Variants in NOL10 observed in about 807,000 individuals in gnomAD.
NOL10 encodes H_NH0074G24.1.
A neutral mutation model predicts 103.5 loss-of-function variants in NOL10; 58 were observed. That is an observed-to-expected ratio of 0.56 (90% CI 0.45 to 0.70). The LOEUF (loss-of-function observed/expected upper bound fraction) is 0.70, where lower values mean the gene tolerates loss of function less well. Among genes scored for constraint, NOL10 ranks in the 30% least tolerant of loss-of-function variants. NOL10 has a pLI of 0.00. For synonymous variants in NOL10, 287 were observed against 282.5 expected (o/e 1.02, Z -0.16); for missense variants, 763 against 807.3 (o/e 0.95, Z 0.67).
At chr2:10,639,839 A>T (rs7599759) in intron 13 of NOL10, among the ~76,000 whole-genome samples, 5,032 of 152,162 alleles carry the variant, frequency 0.033, 288 homozygotes, top group African/African-American at 0.12. Context: ...TGAGAGAATT[A>T]AAAAAATAAA....
At chr2:10,587,484 T>C (rs779495241) in intron 19 of NOL10, among the ~76,000 whole-genome samples, 12 of 144,804 alleles carry the variant, frequency 8.3e-5, no homozygotes, top group Non-Finnish European at 1.8e-4. Flanking sequence ...TTGGCCAGGA[T>C]GGTCTCCATC....
chr2:10,667,387 C>CT, intron 7 of NOL10, 109 bp from the exon 8 acceptor site: 1 of 780,368 alleles, frequency 1.3e-6, no homozygotes, highest in Non-Finnish European at 2.2e-6. Flanking sequence ...AGAAAGAAGA[C>CT]ACACAGATTC....
intron 7 of NOL10, among the ~76,000 whole-genome samples, 158 bp downstream of exon 7, chr2:10,668,500 T>C (rs1044672930): frequency 6.6e-6 from 1 of 152,238 alleles, no homozygotes. Context: ...GATCTTTCAG[T>C]GAATTTTTTG....
chr2:10,645,719 G>A (rs1679017827), intron 12 of NOL10, among the ~76,000 whole-genome samples: 1 of 151,646 alleles, frequency 6.6e-6, no homozygotes, highest in Non-Finnish European at 1.5e-5. Flanking sequence ...TTTAGTGGAG[G>A]GGGGTTTCAC....
At chr2:10,612,649 C>T (rs1676630726) in intron 13 of NOL10, among the ~76,000 whole-genome samples, 1 of 152,006 alleles carries the variant, frequency 6.6e-6, no homozygotes, top group Admixed American at 6.6e-5. Context: ...ATTACAGGCA[C>T]TCACCACCAC....
chr2:10,664,233 C>G (rs1381251098), intron 8 of NOL10, among the ~76,000 whole-genome samples: 1 of 151,948 alleles, frequency 6.6e-6, no homozygotes, highest in Non-Finnish European at 1.5e-5. Context: ...GAGTTCGAGA[C>G]CAGCCTGGCC....
intron 20 of NOL10, among the ~76,000 whole-genome samples, chr2:10,574,758 T>C (rs149101134): frequency 6.6e-6 from 1 of 152,324 alleles, no homozygotes; most frequent in East Asian, 1.9e-4. Flanking sequence ...TTCATAAGTC[T>C]TCAACATGGA....
At chr2:10,646,126 G>C (rs151186089) in intron 12 of NOL10, among the ~76,000 whole-genome samples, 1 of 152,084 alleles carries the variant, frequency 6.6e-6, no homozygotes, top group Non-Finnish European at 1.5e-5. Flanking sequence ...AACGTTCACC[G>C]AGGTCATGAT....
intron 2 of NOL10, among the ~76,000 whole-genome samples, chr2:10,682,565 T>A (rs1681853046): frequency 1.3e-5 from 2 of 151,592 alleles, no homozygotes; most frequent in South Asian, 4.2e-4. Context: ...TGCACCCAGG[T>A]ATTTTTGTAT....
At chr2:10,673,595 C>G (rs1191106324) in intron 4 of NOL10, 38 bp from the exon 5 acceptor site, 1 of 1,401,702 alleles carries the variant, frequency 7.1e-7, no homozygotes, top group Non-Finnish European at 9.9e-7. Flanking sequence ...AATTATCAAA[C>G]AATATTCTTA....
At chr2:10,572,685 G>C (rs1316341984) in intron 20 of NOL10, among the ~76,000 whole-genome samples, 1 of 152,152 alleles carries the variant, frequency 6.6e-6, no homozygotes, top group African/African-American at 2.4e-5. Context: ...CGTTATTAAA[G>C]CATTCATTCA....
chr2:10,671,849 G>C (rs1016056980), intron 5 of NOL10, among the ~76,000 whole-genome samples, 159 bp from the exon 6 acceptor site: 1 of 152,118 alleles, frequency 6.6e-6, no homozygotes, highest in East Asian at 1.9e-4. Flanking sequence ...CTGGGATTAA[G>C]AATGAAAACA....
At chr2:10,677,839 TTGTGTG>T (rs58970211) in intron 3 of NOL10, among the ~76,000 whole-genome samples, 156 of 146,840 alleles carry the variant, frequency 1.1e-3, no homozygotes, top group African/African-American at 2.3e-3. Context: ...TTTAATACAT[TTGTGTG>T]TGTGTGTGTG....
chr2:10,602,083 C>G (rs1676003468), intron 16 of NOL10, among the ~76,000 whole-genome samples: 1 of 152,212 alleles, frequency 6.6e-6, no homozygotes. Flanking sequence ...CAGCTGGTTC[C>G]ACAGCAGTGG....
intron 14 of NOL10, 143 bp downstream of exon 14, chr2:10,607,039 TATA>T: frequency 2.1e-6 from 1 of 480,940 alleles, no homozygotes; most frequent in Non-Finnish European, 3.5e-6. Flanking sequence ...TCTGACAATT[TATA>T]ATATGTTTAA....
intron 13 of NOL10, among the ~76,000 whole-genome samples, chr2:10,607,769 T>TTATTA (rs1676337133): frequency 1.3e-5 from 2 of 149,848 alleles, no homozygotes; most frequent in Non-Finnish European, 3.0e-5. Context: ...ATTATTATTA[T>TTATTA]TATTATTTTG....
At chr2:10,674,358 C>T (rs556409993) in intron 4 of NOL10, among the ~76,000 whole-genome samples, 1 of 152,326 alleles carries the variant, frequency 6.6e-6, no homozygotes, top group South Asian at 2.1e-4. Flanking sequence ...AGCACTTGAA[C>T]TTTCCCATTT....
chr2:10,577,884 AAG>A (rs1464123470), intron 19 of NOL10, 146 bp from the exon 20 acceptor site: 3 of 606,384 alleles, frequency 4.9e-6, no homozygotes, highest in Non-Finnish European at 8.8e-6. Flanking sequence ...AATAAATGGA[AAG>A]AATTAGGTGC....
Position 10,668,694 on chromosome 2 carries a change from T to TAGAAC in NOL10, c.493_494insGTTCT (p.Gln165ArgfsTer7). 1 of 1,545,826 alleles carries TAGAAC rather than the reference T, an allele frequency of 6.5e-7. No homozygotes were observed. The highest frequency in any genetic ancestry group is 8.8e-7 in the Non-Finnish European group (1 of 1,135,934). On this transcript the variant is annotated frameshift_variant, in exon 7 of 21. Coordinates refer to ENST00000381685, the MANE Select transcript of NOL10 (RefSeq NM_024894.4). LOFTEE classifies it high-confidence loss of function. ...TTGTAGAGGATTCAGGTATCGTCCT[T>TAGAAC]GTTCTAAGTTTAACCTATAAACTTC...
Sources: gnomAD v4.1 joint callset for allele counts (sites outside exome capture counted in the v4.1 genomes callset) on GRCh38, gnomAD v4.1.1 for gene constraint, MANE v1.5 for transcripts, NCBI Gene and HGNC (gene_info 2026-07-23, HGNC 2026-07-21) for gene names.